Variants in CLCN2 observed in about 807,000 individuals in gnomAD.
CLCN2 encodes the protein chloride channel protein 2.
In CLCN2, 72 loss-of-function variants were observed where a neutral mutation model predicts 108.3. The ratio of observed to expected loss-of-function variants is 0.66; its 90% CI spans 0.55 to 0.81. The LOEUF (loss-of-function observed/expected upper bound fraction) is 0.81, where lower values mean the gene tolerates loss of function less well. Ranked by LOEUF, CLCN2 falls within the 30% of genes least tolerant of loss-of-function variation. The probability of loss-of-function intolerance (pLI) is 0.00; values close to 1 mark genes in which losing one functional copy is unlikely to be tolerated. For missense variants in CLCN2, 1,048 were observed against 1,205.2 expected (o/e 0.87, Z 1.93); for synonymous variants, 471 against 467.1 (o/e 1.01, Z -0.11).
At chr3:184,350,284 G>A (rs972259477) in intron 22 of CLCN2, among the ~76,000 whole-genome samples, 4 of 152,164 alleles carry the variant, frequency 2.6e-5, no homozygotes, top group Non-Finnish European at 5.9e-5. Context: ...TGGGAGCAGG[G>A]CCAGGAAATC....
chr3:184,352,577 C>T (rs748849405), intron 19 of CLCN2, 81 bp from the exon 20 acceptor site: 468 of 1,517,784 alleles, frequency 3.1e-4, no homozygotes, highest in Non-Finnish European at 3.7e-4. Context: ...AGTGGTGGAG[C>T]CCAGGGGAAA....
chr3:184,361,471 G>C lies in CLCN2; in HGVS notation c.9C>G (p.Ala3=), dbSNP rs1553857924. MA[A]AAAEEGMEPR... Reference sequence around the variant, plus strand: ...GCTCCATCCCTTCCTCCGCCGCCGCGGCCGCCATCTCCGCGCACTGCCCTC... The same window carrying C: ...GCTCCATCCCTTCCTCCGCCGCCGCCGCCGCCATCTCCGCGCACTGCCCTC... Residue 3 remains alanine (A), a synonymous_variant, in exon 1 of 24, where the codon GCC becomes GCG. Transcript: ENST00000265593. This position sits in a 1 kb window ranked among gnomAD's most constrained non-coding sequence, Gnocchi z 6.6. The C allele has an allele frequency of 6.2e-7, 1 of 1,612,362 alleles. No homozygotes were observed. The highest frequency in any genetic ancestry group is 1.1e-5 in the South Asian group (1 of 91,084).
chr3:184,354,896 G>A lies in CLCN2; in HGVS notation c.1396+8C>T, dbSNP rs1309733959. The A allele has an allele frequency of 6.2e-7, 1 of 1,612,850 alleles. No homozygotes were observed. The highest frequency in any genetic ancestry group is 2.2e-5 in the East Asian group (1 of 44,888). On this transcript the variant is annotated splice_region_variant and intron_variant, in intron 13 of 23. Transcript: ENST00000265593. The stretch of plus-strand genomic sequence containing the variant: ...GCAGGCTGGGTGAGCAGGCAGCTGA[G>A]AACTCACCAATGACAAAGACAGGCA...
At chr3:184,351,844 C>T (rs1439745779) in intron 22 of CLCN2, among the ~76,000 whole-genome samples, 169 bp downstream of exon 22, 1 of 152,140 alleles carries the variant, frequency 6.6e-6, no homozygotes, top group Non-Finnish European at 1.5e-5. Context: ...GGAGGCTGCT[C>T]CCACCTCCCA....
intron 1 of CLCN2, among the ~76,000 whole-genome samples, chr3:184,359,936 C>T (rs1711767298): frequency 7.4e-6 from 1 of 134,648 alleles, no homozygotes; most frequent in African/African-American, 2.8e-5. Flanking sequence ...TAGATTCTGG[C>T]TGCCACCCGC....
chr3:184,352,968 C>T, intron 18 of CLCN2, 65 bp downstream of exon 18: 1 of 1,552,784 alleles, frequency 6.4e-7, no homozygotes, highest in Non-Finnish European at 8.9e-7. Flanking sequence ...CAGGGCTGGG[C>T]AGGGACTCTA....
In CLCN2 at chr3:184,361,094, AAGG is replaced by A. The variant is rs765895488; in HGVS notation, c.63+320_63+322del. ...TTCAATGGTGTGAATGGTGCCGCGG[AAGG>A]GGCAGTGGGGTGCTGAGACTTGGGC... On this transcript the variant is annotated intron_variant, in intron 1 of 23. Transcript: ENST00000265593. The surrounding 1 kb of genome is among the most constrained non-coding windows in gnomAD (Gnocchi z 6.6). Among the ~76,000 whole-genome samples, 2 of 152,128 alleles carry A rather than the reference AAGG, an allele frequency of 1.3e-5. No individual in the cohort carries two copies. Among genetic ancestry groups the A allele is most frequent in the Non-Finnish European group, 2.9e-5 (2 of 68,018 alleles).
Position 184,357,799 on chromosome 3 carries a change from G to A in CLCN2, c.673C>T (p.Leu225Phe), listed in dbSNP as rs753263629. The A allele has an allele frequency of 4.3e-6, 7 of 1,614,044 alleles. No individual in the cohort carries two copies. Among genetic ancestry groups the A allele is most frequent in the South Asian group, 1.1e-5 (1 of 91,080 alleles). Residue 225 changes from leucine to phenylalanine, a missense_variant, in exon 6 of 24, where the codon CTC becomes TTC. Coordinates refer to ENST00000265593, the MANE Select transcript of CLCN2 (RefSeq NM_004366.6). ...CAALLSKFLS[L>F]FGGIYENESR... ...CTTACCTCATAGATACCCCCAAAGA[G>A]GGAGAGGAACTTGCTGAGAAGGGCA...
chr3:184,356,912 C>G, intron 10 of CLCN2, 81 bp downstream of exon 10: 1 of 981,268 alleles, frequency 1.0e-6, no homozygotes. Flanking sequence ...CTGGGCCATT[C>G]TCTCCCCATC....
At chr3:184,347,054 A>G (rs1727730131) in intron 22 of CLCN2, 33 bp from the exon 23 acceptor site, 1 of 1,575,532 alleles carries the variant, frequency 6.3e-7, no homozygotes, top group South Asian at 1.1e-5. Context: ...ATTGGACTTG[A>G]TGGACGAGGG....
Position 184,357,686 on chromosome 3 carries a change from TC to T in CLCN2, c.705del (p.Asn236ThrfsTer106). On this transcript the variant is annotated frameshift_variant, in exon 7 of 24. Transcript: ENST00000265593. LOFTEE classifies it high-confidence loss of function. The part of the protein sequence containing the change: ...LFGGIYENES[R>X]NTEMLAAACA... Reference sequence around the variant, plus strand: ...CAGGCGGCAGCCAGCATCTCTGTGTTCCGGGATTCATTCTGGCGAGAGTGGT... The same window carrying T: ...CAGGCGGCAGCCAGCATCTCTGTGTTCGGGATTCATTCTGGCGAGAGTGGT... The T allele has an allele frequency of 1.9e-6, 3 of 1,614,084 alleles. No individual in the cohort carries two copies. The highest frequency in any genetic ancestry group is 2.5e-6 in the Non-Finnish European group (3 of 1,180,032).
intron 20 of CLCN2, 51 bp from the exon 21 acceptor site, chr3:184,352,382 GC>G: frequency 6.2e-7 from 1 of 1,613,228 alleles, no homozygotes; most frequent in Non-Finnish European, 8.5e-7. Context: ...AGTTTATCCA[GC>G]CTAGACCCTG....
chr3:184,359,945 G>A (rs765466736), intron 1 of CLCN2, among the ~76,000 whole-genome samples: 8 of 138,474 alleles, frequency 5.8e-5, no homozygotes, highest in Admixed American at 3.7e-4. Context: ...GCTGCCACCC[G>A]CAGAGCTTCG....
At chr3:184,350,101 T>C (rs1308500770) in intron 22 of CLCN2, among the ~76,000 whole-genome samples, 1 of 152,254 alleles carries the variant, frequency 6.6e-6, no homozygotes, top group East Asian at 1.9e-4. Context: ...TGTTAGTTGG[T>C]TCCTCAAAGA....
chr3:184,351,463 C>T (rs1728087291), intron 22 of CLCN2, among the ~76,000 whole-genome samples: 1 of 152,196 alleles, frequency 6.6e-6, no homozygotes, highest in African/African-American at 2.4e-5. Context: ...GAGCCATCTT[C>T]CCGCGTCCGT....
chr3:184,347,041 G>C lies in CLCN2; in HGVS notation c.2416-20C>G. The C allele has an allele frequency of 3.1e-6, 5 of 1,603,034 alleles. No homozygotes were observed. Among genetic ancestry groups the C allele is most frequent in the South Asian group, 1.1e-5 (1 of 90,862 alleles). Reference sequence around the variant, plus strand: ...GTGAGTCTGCAGTGTGGGGAGAAAAGCGATTGGACTTGATGGACGAGGGGC... The same window carrying C: ...GTGAGTCTGCAGTGTGGGGAGAAAACCGATTGGACTTGATGGACGAGGGGC... On this transcript the variant is annotated intron_variant, in intron 22 of 23. Transcript: ENST00000265593.
At chr3:184,356,755 G>A (rs1482102833) in intron 10 of CLCN2, 2 of 552,376 alleles carry the variant, frequency 3.6e-6, no homozygotes, top group Non-Finnish European at 6.5e-6. Flanking sequence ...GACCTGAGGA[G>A]GCCTTAGTCT....
In CLCN2 at chr3:184,355,629, GCTGTTGGC is replaced by G. The variant is rs1728492139; in HGVS notation, c.1170+57_1170+64del. On this transcript the variant is annotated intron_variant, in intron 11 of 23. Transcript: ENST00000265593. The surrounding 1 kb of genome is among the most constrained non-coding windows in gnomAD (Gnocchi z 6.3). ...CAAGGGGTCCCACAGTCACACTGGG[GCTGTTGGC>G]TTTGGAGGAATGCCTTCCAAGGGAA... is the stretch of plus-strand genomic sequence containing the variant. 6.3e-7 allele frequency: 1 copy of G among 1,597,806 alleles called. No individual in the cohort carries two copies. The highest frequency in any genetic ancestry group is 1.7e-5 in the Admixed American group (1 of 59,932).
At chr3:184,356,796 A>C in intron 10 of CLCN2, 197 bp downstream of exon 10, 1 of 609,566 alleles carries the variant, frequency 1.6e-6, no homozygotes. Flanking sequence ...ACCGCTGACT[A>C]TAAACTTAAA....
Sources: gnomAD v4.1 joint callset for allele counts (sites outside exome capture counted in the v4.1 genomes callset) on GRCh38, gnomAD v4.1.1 for gene constraint, Gnocchi (gnomAD v3.1) non-coding constraint, MANE v1.5 for transcripts, NCBI Gene and HGNC (gene_info 2026-07-23, HGNC 2026-07-21) for gene names.